Variants in FMN2 observed in about 807,000 individuals in gnomAD.
FMN2 encodes formin-2.
Under a neutral mutation model 142.3 loss-of-function variants are expected in FMN2, and 51 were observed. The ratio of observed to expected loss-of-function variants is 0.36; its 90% CI spans 0.29 to 0.45. FMN2 has a LOEUF of 0.45. FMN2 is among the 20% of genes least tolerant of loss of function. The pLI is 1.00. For synonymous variants in FMN2, 882 were observed against 869.8 expected (o/e 1.01, Z -0.25); for missense variants, 1,936 against 2,122.8 (o/e 0.91, Z 1.73).
At chr1:240,121,418 T>C (rs1456755127) in intron 1 of FMN2, among the ~76,000 whole-genome samples, 1 of 150,142 alleles carries the variant, frequency 6.7e-6, no homozygotes, top group South Asian at 2.1e-4. Context: ...GCTCTGTCGC[T>C]AGGCTGGAGT....
chr1:240,246,447 CT>C (rs952029323), intron 6 of FMN2, among the ~76,000 whole-genome samples: 1 of 152,152 alleles, frequency 6.6e-6, no homozygotes, highest in African/African-American at 2.4e-5. Flanking sequence ...TGAATATCCA[CT>C]GCAGTCTTTG....
chr1:240,185,305 A>G (rs12046275), intron 3 of FMN2, among the ~76,000 whole-genome samples: 10,813 of 151,042 alleles, frequency 0.072, 394 homozygotes, highest in African/African-American at 0.09. Context: ...TTTATTTTTC[A>G]GTGAAGTTAT....
chr1:240,456,157 T>C (rs1676238788), intron 16 of FMN2, among the ~76,000 whole-genome samples: 1 of 152,140 alleles, frequency 6.6e-6, no homozygotes, highest in Non-Finnish European at 1.5e-5. Flanking sequence ...TTATAATATA[T>C]ACAGTTTTAT....
chr1:240,329,463 T>A lies in FMN2; in HGVS notation c.4432T>A (p.Cys1478Ser), dbSNP rs1671307179. Residue 1478 changes from cysteine (C) to serine (S), a missense_variant, in exon 10 of 18, where the codon TGT (cysteine) becomes AGT (serine). Transcript: ENST00000319653. ...RRKLELLQKL[C>S]ETLKNGPGVM... ...CAAACTGGAATTACTACAGAAATTG[T>A]GTGAGGTGAGTTCTGGTCCAAAGAG... 1.2e-6 allele frequency: 2 copies of A among 1,613,700 alleles called. No homozygotes were observed. The highest frequency in any genetic ancestry group is 3.3e-5 in the Admixed American group (2 of 59,938).
intron 13 of FMN2, among the ~76,000 whole-genome samples, chr1:240,354,881 G>A (rs1672213513): frequency 6.6e-6 from 1 of 151,910 alleles, no homozygotes; most frequent in Admixed American, 6.6e-5. Flanking sequence ...TTTTGCATCA[G>A]ATGTGTTCTA....
chr1:240,106,310 T>A (rs532002571), intron 1 of FMN2, among the ~76,000 whole-genome samples: 10 of 152,292 alleles, frequency 6.6e-5, no homozygotes, highest in Non-Finnish European at 1.5e-4. Flanking sequence ...CCACCCTGAG[T>A]AGTCTATGAA....
At chr1:240,257,304 G>T (rs1209096911) in intron 6 of FMN2, among the ~76,000 whole-genome samples, 2 of 152,176 alleles carry the variant, frequency 1.3e-5, no homozygotes, top group Admixed American at 6.5e-5. Flanking sequence ...TTGAGATTGT[G>T]CTGATGCAGC....
At position 240,136,876 on chromosome 1, in the gene FMN2, G is replaced by T. The variant is rs758382553; in HGVS notation, c.1782+13531G>T. ...GCACAAGGTCAGGAGTTTGAGATCA[G>T]CCTGACCCACATGGTGAAACCCTGT... On this transcript the variant is annotated intron_variant, in intron 2 of 17. Coordinates refer to ENST00000319653, the MANE Select transcript of FMN2 (RefSeq NM_020066.5). Among the ~76,000 whole-genome samples the T allele has an allele frequency of 8.0e-4, 121 of 151,952 alleles. 1 individual carries two copies. Among genetic ancestry groups the T allele is most frequent in the Non-Finnish European group, 1.2e-3 (84 of 68,000 alleles).
intron 15 of FMN2, among the ~76,000 whole-genome samples, chr1:240,425,102 G>T (rs1241898164): frequency 6.6e-6 from 1 of 151,982 alleles, no homozygotes; most frequent in Non-Finnish European, 1.5e-5. Flanking sequence ...TAGAGAAAAG[G>T]AAGGAATATT....
At position 240,123,253 on chromosome 1, in the gene FMN2, C is replaced by T. The variant is rs147501995; in HGVS notation, c.1690C>T (p.Arg564Trp). ...PPEEAEKFCS[R>W]IIAMGLLLPF... ...AGAAGAAGCAGAGAAGTTTTGCTCC[C>T]GGATCATTGCCATGGGTCTTCTCCT... is the stretch of plus-strand genomic sequence containing the variant. The change falls in exon 2 of 18, where the codon CGG becomes TGG. Residue 564 changes from arginine (R) to tryptophan (W), a missense_variant. Physicochemically the swap from Arg to Trp is moderately radical, Grantham distance 101. Coordinates refer to ENST00000319653, the MANE Select transcript of FMN2 (RefSeq NM_020066.5). The T allele has an allele frequency of 1.1e-5, 18 of 1,614,084 alleles. No individual in the cohort carries two copies. Among genetic ancestry groups the T allele is most frequent in the East Asian group, 6.7e-5 (3 of 44,862 alleles).
At chr1:240,313,276 T>C (rs1670654873) in intron 8 of FMN2, among the ~76,000 whole-genome samples, 1 of 152,222 alleles carries the variant, frequency 6.6e-6, no homozygotes, top group Non-Finnish European at 1.5e-5. Flanking sequence ...TTCCTTTTTC[T>C]AACAAATATG....
intron 15 of FMN2, among the ~76,000 whole-genome samples, chr1:240,414,358 C>T (rs1674509932): frequency 6.6e-6 from 1 of 152,192 alleles, no homozygotes; most frequent in South Asian, 2.1e-4. Flanking sequence ...GAGAGAACTT[C>T]ACGTCTGTTA....
rs1291286057 is a variant in FMN2, at chr1:240,230,250, C to G, written c.4065+19015C>G. ...GCTGAGGCAGGAGGATCGCTTAAGC[C>G]CAGGAGGTCAAGGCTGCAGTGAGCC... On this transcript the variant is annotated intron_variant, in intron 6 of 17. Coordinates refer to ENST00000319653, the MANE Select transcript of FMN2 (RefSeq NM_020066.5). 4.6e-5 allele frequency among the ~76,000 whole-genome samples: 6 copies of G among 129,730 alleles called. 2 individuals are homozygous for G. The highest frequency in any genetic ancestry group is 1.5e-4 in the Admixed American group (2 of 13,678). 85.1% of individuals were successfully genotyped at this position (129,730 alleles called of 152,430 possible). A position where few individuals can be genotyped will look rare whatever the true frequency, so the allele number is the denominator to read the frequency against.
intron 14 of FMN2, among the ~76,000 whole-genome samples, chr1:240,363,859 C>T (rs567782177): frequency 6.6e-6 from 1 of 152,154 alleles, no homozygotes; most frequent in South Asian, 2.1e-4. Context: ...GCTCAGGTGT[C>T]CCCATGCTGG....
At chr1:240,428,176 T>A (rs981284762) in intron 15 of FMN2, among the ~76,000 whole-genome samples, 1 of 152,086 alleles carries the variant, frequency 6.6e-6, no homozygotes, top group Non-Finnish European at 1.5e-5. Context: ...TTAAACATAT[T>A]TGATGTGTTT....
chr1:240,416,652 A>G (rs1558480213), intron 15 of FMN2, among the ~76,000 whole-genome samples: 1 of 151,724 alleles, frequency 6.6e-6, no homozygotes, highest in Non-Finnish European at 1.5e-5. Context: ...TATGTTATTT[A>G]ATCTTGCCTC....
intron 15 of FMN2, among the ~76,000 whole-genome samples, chr1:240,423,961 A>G (rs567554247): frequency 6.6e-6 from 1 of 152,326 alleles, no homozygotes; most frequent in African/African-American, 2.4e-5. Flanking sequence ...CCCCAACAGA[A>G]CATAAAAACA....
intron 16 of FMN2, among the ~76,000 whole-genome samples, chr1:240,449,064 T>G (rs1265539713): frequency 6.6e-6 from 1 of 151,310 alleles, no homozygotes; most frequent in Non-Finnish European, 1.5e-5. Context: ...ATCACTTGAG[T>G]CTGGGCTGTT....
chr1:240,444,337 G>A (rs535056219), intron 16 of FMN2, among the ~76,000 whole-genome samples: 5 of 152,176 alleles, frequency 3.3e-5, no homozygotes, highest in Non-Finnish European at 7.3e-5. Flanking sequence ...CTAGAACGTG[G>A]AGCAAGTGTA....
Sources: gnomAD v4.1 joint callset for allele counts (sites outside exome capture counted in the v4.1 genomes callset) on GRCh38, gnomAD v4.1.1 for gene constraint, MANE v1.5 for transcripts, NCBI Gene and HGNC (gene_info 2026-07-23, HGNC 2026-07-21) for gene names.